ERAP1: variants seen among roughly 807,000 people sequenced by gnomAD.
ERAP1 encodes the protein endoplasmic reticulum aminopeptidase 1, also known as adipocyte-derived leucine aminopeptidase.
A neutral mutation model predicts 103.7 loss-of-function variants in ERAP1; 86 were observed. The ratio of observed to expected loss-of-function variants is 0.83; its 90% CI spans 0.70 to 0.99. ERAP1 has a LOEUF of 0.99. Ranked by LOEUF, ERAP1 falls within the 50% of genes least tolerant of loss-of-function variation. The pLI, the probability that ERAP1 is intolerant of heterozygous loss-of-function variation, is 0.00. For synonymous variants in ERAP1, 398 were observed against 402.4 expected (o/e 0.99, Z 0.13); for missense variants, 1,009 against 1,128.4 (o/e 0.89, Z 1.52).
chr5:96,790,680 T>G, intron 8 of ERAP1, 37 bp from the exon 9 acceptor site: 1 of 1,569,976 alleles, frequency 6.4e-7, no homozygotes, highest in Non-Finnish European at 8.8e-7. Flanking sequence ...ATCTATAGTT[T>G]CATTGCAGTC....
At chr5:96,933,660 G>GT in the ERAP1 span, among the ~76,000 whole-genome samples, 20 of 152,276 alleles carry the variant, frequency 1.3e-4, no homozygotes, top group African/African-American at 4.8e-4. Flanking sequence ...GTAGGTTACA[G>GT]GTGAAGTGAG....
At chr5:96,896,707 T>C in the ERAP1 span, 2 of 1,551,656 alleles carry the variant, frequency 1.3e-6, no homozygotes, top group East Asian at 4.5e-5. Context: ...ATCTCTTTTT[T>C]CAACTCTTTT....
At chr5:96,923,780 A>T in the ERAP1 span, among the ~76,000 whole-genome samples, 3 of 152,186 alleles carry the variant, frequency 2.0e-5, no homozygotes, top group African/African-American at 7.2e-5. Flanking sequence ...ACCATTATAG[A>T]TTTATTCCTT....
chr5:96,866,748 A>G, the ERAP1 span, among the ~76,000 whole-genome samples: 1 of 152,232 alleles, frequency 6.6e-6, no homozygotes, highest in Non-Finnish European at 1.5e-5. Flanking sequence ...TGCTGACACA[A>G]GCTGGAAGTG....
chr5:96,901,386 A>G, the ERAP1 span: 1 of 1,076,732 alleles, frequency 9.3e-7, no homozygotes, highest in Non-Finnish European at 1.4e-6. Flanking sequence ...CTGAGATACC[A>G]GTCCGAGTCT....
At chr5:96,841,321 C>T in the ERAP1 span, among the ~76,000 whole-genome samples, 1 of 152,204 alleles carries the variant, frequency 6.6e-6, no homozygotes, top group Admixed American at 6.5e-5. Flanking sequence ...GCTGGCCATA[C>T]ATAATTAACA....
the ERAP1 span, chr5:96,901,432 G>C: frequency 6.7e-7 from 1 of 1,499,176 alleles, no homozygotes; most frequent in East Asian, 2.3e-5. Flanking sequence ...CATCCAAGGA[G>C]ATGGAAGTTT....
At chr5:96,767,309 T>C (rs1770347488) in intron 19 of ERAP1, 1 of 659,982 alleles carries the variant, frequency 1.5e-6, no homozygotes, top group South Asian at 1.9e-5. Context: ...CTCAGGTTTA[T>C]TAGTTATTGC....
the ERAP1 span, among the ~76,000 whole-genome samples, chr5:96,847,683 G>A: frequency 1.3e-5 from 2 of 152,124 alleles, no homozygotes; most frequent in Non-Finnish European, 2.9e-5. Flanking sequence ...TAGGAAGGTC[G>A]CAATTATGTG....
At chr5:96,819,854 G>A in the ERAP1 span, among the ~76,000 whole-genome samples, 1 of 152,198 alleles carries the variant, frequency 6.6e-6, no homozygotes, top group Non-Finnish European at 1.5e-5. Flanking sequence ...AAGATTGAGC[G>A]TGTAATAGAC....
At chr5:96,927,484 C>T in the ERAP1 span, among the ~76,000 whole-genome samples, 1 of 147,628 alleles carries the variant, frequency 6.8e-6, no homozygotes, top group Non-Finnish European at 1.5e-5. Context: ...TCCTTTGCTA[C>T]TTTTTTTTTT....
chr5:96,761,362 G>GTACTAA (rs1487698794), exon 20 of ERAP1: 1 of 152,066 alleles, frequency 6.6e-6, no homozygotes, highest in Non-Finnish European at 1.5e-5. Flanking sequence ...GTACATTTTG[G>GTACTAA]ATTACCTAAA....
exon 20 of ERAP1, chr5:96,762,149 T>C (rs1396419415): frequency 4.1e-6 from 2 of 489,176 alleles, no homozygotes; most frequent in Non-Finnish European, 7.3e-6. Flanking sequence ...TATGTTATTA[T>C]GAGTCTATTT....
chr5:96,934,279 TAGA>T, the ERAP1 span: 1 of 152,192 alleles, frequency 6.6e-6, no homozygotes. Context: ...CAAGTCTTTA[TAGA>T]GTGTTTGTGG....
chr5:96,810,958 A>G (rs961766190), upstream of ERAP1, among the ~76,000 whole-genome samples: 1 of 152,148 alleles, frequency 6.6e-6, no homozygotes, highest in Admixed American at 6.5e-5. Flanking sequence ...TAGAAAACAG[A>G]CAAAAGCAGG....
chr5:96,776,977 G>A, intron 18 of ERAP1: 1 of 172,110 alleles, frequency 5.8e-6, no homozygotes, highest in Non-Finnish European at 1.3e-5. Context: ...TTTCTCCATG[G>A]GCCTGGCCTT....
chr5:96,781,194 G>A lies in ERAP1; in HGVS notation c.2452C>T (p.Leu818=). The change falls in exon 17 of 19, where the codon CTA becomes TTA. Residue 818 remains leucine, a synonymous_variant. Coordinates refer to ENST00000443439, the MANE Select transcript of ERAP1 (RefSeq NM_001040458.3). ...TQNKEKLQWL[L]DESFKGDKIK... is the part of the protein sequence containing the mutation. ...TTATCTCCCTTAAAGCTTTCATCTA[G>A]TAGCCTAGAAGGATTAAGAAAAGAA... 1 of 1,612,342 alleles carries A rather than the reference G, an allele frequency of 6.2e-7. No individual in the cohort carries two copies. Among genetic ancestry groups the A allele is most frequent in the Non-Finnish European group, 8.5e-7 (1 of 1,179,396 alleles).
chr5:96,899,984 T>G, the ERAP1 span: 8 of 1,077,410 alleles, frequency 7.4e-6, no homozygotes, highest in African/African-American at 1.3e-4. Context: ...TTTTTTTCCA[T>G]TTTTATGTTC....
intron 10 of ERAP1, among the ~76,000 whole-genome samples, 187 bp from the exon 11 acceptor site, chr5:96,788,872 C>T (rs1044193341): frequency 2.0e-5 from 3 of 152,168 alleles, no homozygotes; most frequent in African/African-American, 7.2e-5. Flanking sequence ...CAGCTGTTTG[C>T]TTGTCATTTT....
Sources: gnomAD v4.1 joint callset for allele counts (sites outside exome capture counted in the v4.1 genomes callset) on GRCh38, gnomAD v4.1.1 for gene constraint, MANE v1.5 for transcripts, NCBI Gene and HGNC (gene_info 2026-07-23, HGNC 2026-07-21) for gene names.